BMPR2: variants seen among roughly 807,000 people sequenced by gnomAD.
BMPR2 encodes the protein bone morphogenetic protein receptor type-2.
A neutral mutation model predicts 100.8 loss-of-function variants in BMPR2; 29 were observed. That is an observed-to-expected ratio of 0.29 (90% CI 0.21 to 0.39). The LOEUF (loss-of-function observed/expected upper bound fraction) is 0.39. Ranked by LOEUF, BMPR2 falls within the 10% of genes least tolerant of loss-of-function variation. BMPR2 has a pLI of 1.00. For synonymous variants in BMPR2, 382 were observed against 442.3 expected (o/e 0.86, Z 1.71); for missense variants, 1,011 against 1,274.5 (o/e 0.79, Z 3.15).
intron 3 of BMPR2, among the ~76,000 whole-genome samples, chr2:202,492,188 A>T (rs1692915312): frequency 6.6e-6 from 1 of 152,142 alleles, no homozygotes; most frequent in Admixed American, 6.5e-5. Context: ...GGGCAGAGGA[A>T]GGATGTTAGG....
chr2:202,457,615 A>G (rs946822039), intron 1 of BMPR2, among the ~76,000 whole-genome samples: 2 of 150,752 alleles, frequency 1.3e-5, no homozygotes, highest in Non-Finnish European at 3.0e-5. Context: ...AGCCATTAAA[A>G]TCTTTGGAAA....
Position 202,544,325 on chromosome 2 carries a change from T to C in BMPR2, c.1413+1878T>C, listed in dbSNP as rs191340591. Among the ~76,000 whole-genome samples the C allele has an allele frequency of 1.8e-3, 281 of 152,314 alleles. 3 individuals carry two copies. The highest frequency in any genetic ancestry group is 6.7e-3 in the African/African-American group (279 of 41,574). On this transcript the variant is annotated intron_variant, in intron 10 of 12. Transcript: ENST00000374580. Reference sequence around the variant, plus strand: ...CCTCCTTAAGTAATGTGTATTAGTATGTGTATGGTGGTAAACATTATGAAT... The same window carrying C: ...CCTCCTTAAGTAATGTGTATTAGTACGTGTATGGTGGTAAACATTATGAAT...
chr2:202,462,856 C>T (rs759664210), intron 1 of BMPR2, among the ~76,000 whole-genome samples: 10 of 152,046 alleles, frequency 6.6e-5, no homozygotes, highest in South Asian at 4.2e-4. Context: ...GGATTACAGG[C>T]GTACACCACC....
In BMPR2 at chr2:202,423,669, C is replaced by T. The variant is rs534862868; in HGVS notation, c.77-41140C>T. ...ACTCAGGACGCTGAGGCAGGGGTAT[C>T]GTTTCAGCCAGGAATTCGAGTCTGC... On this transcript the variant is annotated intron_variant, in intron 1 of 12. Transcript: ENST00000374580. 7.2e-5 allele frequency among the ~76,000 whole-genome samples: 11 copies of T among 152,214 alleles called. 1 individual carries two copies. In the South Asian group the frequency reaches 2.3e-3, roughly 32 times the overall value.
chr2:202,389,949 G>A (rs1472564925), intron 1 of BMPR2, among the ~76,000 whole-genome samples: 1 of 151,174 alleles, frequency 6.6e-6, no homozygotes, highest in Non-Finnish European at 1.5e-5. Flanking sequence ...CCATTAAAAA[G>A]GGTTTTTAAA....
chr2:202,396,743 A>G (rs973095135), intron 1 of BMPR2, among the ~76,000 whole-genome samples: 4 of 152,224 alleles, frequency 2.6e-5, no homozygotes, highest in Non-Finnish European at 5.9e-5. Context: ...AGATACAGCA[A>G]CAATGTATTT....
At position 202,562,303 on chromosome 2, in the gene BMPR2, G is replaced by A. The variant is rs529406465; in HGVS notation, c.*2357G>A. On this transcript the variant is annotated 3_prime_UTR_variant, in exon 13 of 13. Coordinates refer to ENST00000374580, the MANE Select transcript of BMPR2 (RefSeq NM_001204.7). ...AATATTGGGAAAATTATGATAAAAT[G>A]CTTTAAAAATTAATATGCCAGATTA... 4 of 152,626 alleles carry A rather than the reference G, an allele frequency of 2.6e-5. No individual in the cohort carries two copies. In the East Asian group the frequency reaches 7.7e-4, roughly 29 times the overall value. 9.5% of individuals were successfully genotyped at this position (152,626 alleles called of 1,614,324 possible).
chr2:202,414,262 G>C (rs1691077678), intron 1 of BMPR2, among the ~76,000 whole-genome samples: 1 of 152,158 alleles, frequency 6.6e-6, no homozygotes, highest in Non-Finnish European at 1.5e-5. Context: ...GGGGCACCAG[G>C]AACCACACCC....
intron 1 of BMPR2, among the ~76,000 whole-genome samples, chr2:202,419,055 A>G (rs1229927590): frequency 6.6e-6 from 1 of 152,186 alleles, no homozygotes; most frequent in Non-Finnish European, 1.5e-5. Flanking sequence ...TGATGAGACT[A>G]TGGTTTGTAA....
At chr2:202,458,298 A>AAAAAAC (rs1214715421) in intron 1 of BMPR2, among the ~76,000 whole-genome samples, 1 of 149,444 alleles carries the variant, frequency 6.7e-6, no homozygotes, top group Non-Finnish European at 1.5e-5. Context: ...AAAAAAAAAA[A>AAAAAAC]AAAAAAAAAA....
intron 3 of BMPR2, among the ~76,000 whole-genome samples, chr2:202,501,055 C>T (rs1272348141): frequency 1.3e-5 from 2 of 152,154 alleles, no homozygotes; most frequent in African/African-American, 4.8e-5. Context: ...TTTTGGCTAC[C>T]AGTTCGGAAG....
intron 1 of BMPR2, among the ~76,000 whole-genome samples, chr2:202,389,791 G>A (rs1043483603): frequency 2.0e-5 from 3 of 151,594 alleles, no homozygotes; most frequent in Admixed American, 6.6e-5. Context: ...ACAGTCATGT[G>A]CCACCACGTC....
chr2:202,460,099 T>C (rs192273250), intron 1 of BMPR2, among the ~76,000 whole-genome samples: 1 of 152,184 alleles, frequency 6.6e-6, no homozygotes, highest in African/African-American at 2.4e-5. Flanking sequence ...TATCAAAAAG[T>C]CAAAAAATAA....
chr2:202,471,442 C>A (rs899622950), intron 3 of BMPR2, among the ~76,000 whole-genome samples: 1 of 152,062 alleles, frequency 6.6e-6, no homozygotes, highest in Non-Finnish European at 1.5e-5. Context: ...AAAATGGACA[C>A]CTTGACCAGG....
In BMPR2 at chr2:202,503,931, C is replaced by T. The variant is rs1687461623; in HGVS notation, c.419-9788C>T. 6.6e-6 allele frequency among the ~76,000 whole-genome samples: 1 copy of T among 152,118 alleles called. No individual in the cohort carries two copies. Among genetic ancestry groups the T allele is most frequent in the African/African-American group, 2.4e-5 (1 of 41,424 alleles). On this transcript the variant is annotated intron_variant, in intron 3 of 12. Transcript: ENST00000374580. This position sits in a 1 kb window ranked among gnomAD's most constrained non-coding sequence, Gnocchi z 4.0. ...ATCTAGCTCAAGGTTTGTAAATACA[C>T]CAATCAGCACCCTGTGTCTAGCTCA... is the stretch of plus-strand genomic sequence containing the variant.
intron 1 of BMPR2, among the ~76,000 whole-genome samples, chr2:202,426,800 T>G (rs1691395355): frequency 1.3e-5 from 2 of 152,126 alleles, no homozygotes; most frequent in African/African-American, 4.8e-5. Context: ...AAGGAGTGAC[T>G]GAGCGTGGGA....
chr2:202,473,056 TAAAG>T (rs1340623394), intron 3 of BMPR2, among the ~76,000 whole-genome samples: 2 of 152,208 alleles, frequency 1.3e-5, no homozygotes, highest in Non-Finnish European at 2.9e-5. Flanking sequence ...TGTTGAAGTT[TAAAG>T]AAAGAAAATA....
At chr2:202,404,086 C>T (rs771548300) in intron 1 of BMPR2, among the ~76,000 whole-genome samples, 1 of 150,884 alleles carries the variant, frequency 6.6e-6, no homozygotes, top group Non-Finnish European at 1.5e-5. Context: ...TATCATTTTA[C>T]CAAATTTGTA....
chr2:202,558,757 G>T (rs951835454), intron 12 of BMPR2, among the ~76,000 whole-genome samples: 1 of 152,054 alleles, frequency 6.6e-6, no homozygotes, highest in African/African-American at 2.4e-5. Context: ...GCCAGACGTG[G>T]TGGCACATGC....
Sources: gnomAD v4.1 joint callset for allele counts (sites outside exome capture counted in the v4.1 genomes callset) on GRCh38, gnomAD v4.1.1 for gene constraint, Gnocchi (gnomAD v3.1) non-coding constraint, MANE v1.5 for transcripts, NCBI Gene and HGNC (gene_info 2026-07-23, HGNC 2026-07-21) for gene names.